IGFN1: variants seen among roughly 807,000 people sequenced by gnomAD.
The protein encoded by IGFN1 is immunoglobulin-like and fibronectin type III domain-containing protein 1.
Under a neutral mutation model 289.5 loss-of-function variants are expected in IGFN1, and 253 were observed. That is an observed-to-expected ratio of 0.87 (90% CI 0.79 to 0.97). IGFN1 has a LOEUF of 0.97. Among genes scored for constraint, IGFN1 ranks in the 50% least tolerant of loss-of-function variants. IGFN1 has a pLI of 0.00. For missense variants in IGFN1, 4,470 were observed against 4,686.1 expected, an observed-to-expected ratio of 0.95 and a Z score of 1.35; for synonymous variants, 1,706 against 1,788.5, an observed-to-expected ratio of 0.95 and a Z score of 1.16.
At chr1:201,203,355 G>T (rs1667244451) in intron 9 of IGFN1, among the ~76,000 whole-genome samples, 1 of 152,222 alleles carries the variant, frequency 6.6e-6, no homozygotes. Context: ...TCCTGTTGGT[G>T]AATAAGTTGA....
At chr1:201,226,243 C>T in intron 22 of IGFN1, 120 bp downstream of exon 22, 1 of 1,172,996 alleles carries the variant, frequency 8.5e-7, no homozygotes, top group Non-Finnish European at 1.1e-6. Context: ...TGGCCTGGAG[C>T]ATGCCAAATA....
At chr1:201,193,220 C>A in intron 1 of IGFN1, 27 bp from the exon 2 acceptor site, 1 of 1,183,694 alleles carries the variant, frequency 8.4e-7, no homozygotes, top group Non-Finnish European at 1.2e-6. Context: ...CTGGATTTCT[C>A]AAAAGCAATT....
rs561813872 is a variant in IGFN1, at chr1:201,213,460, T to A, written c.8567T>A (p.Met2856Lys). The A allele has an allele frequency of 4.3e-6, 7 of 1,613,866 alleles. No homozygotes were observed. Among genetic ancestry groups the A allele is most frequent in the Non-Finnish European group, 5.9e-6 (7 of 1,179,896 alleles). Residue 2856 changes from methionine to lysine, a missense_variant, in exon 12 of 24, where the codon ATG (methionine) becomes AAG (lysine). Transcript: ENST00000335211. ...GAGAACTGGGGGTGCCTGGAGGAGA[T>A]GCTGAATGAAGATCAGAGCCGGGAG... Reference protein sequence around the residue: ...MGENWGCLEEMLNEDQSREPP... With the variant: ...MGENWGCLEEKLNEDQSREPP...
Position 201,212,856 on chromosome 1 carries a change from C to T in IGFN1, c.7963C>T (p.Gln2655Ter). 1 of 1,551,224 alleles carries T rather than the reference C, an allele frequency of 6.4e-7. No homozygotes were observed. The highest frequency in any genetic ancestry group is 8.7e-7 in the Non-Finnish European group (1 of 1,146,872). The part of the protein sequence containing the change: ...PAGSRASGSL[Q>*]EKDAAFGGTH... ...AGGCTCCAGAGCTTCCGGTTCTCTG[C>T]AGGAGAAAGATGCCGCTTTTGGTGG... The change falls in exon 12 of 24, where the codon CAG becomes TAG. Residue 2655 changes from glutamine to a stop codon, truncating the protein, a stop_gained. Transcript: ENST00000335211. LOFTEE classifies it high-confidence loss of function.
At position 201,212,768 on chromosome 1, in the gene IGFN1, G is replaced by T. The variant is rs776364723; in HGVS notation, c.7875G>T (p.Trp2625Cys). The change falls in exon 12 of 24, where the codon TGG becomes TGT. Residue 2625 changes from tryptophan to cysteine, a missense_variant. Coordinates refer to ENST00000335211, the MANE Select transcript of IGFN1 (RefSeq NM_001164586.2). ...ATAGACAAGGGACGAGCAATGCTTG[G>T]GCTCCTGATTGGGAAAACCAGGGGT... ...PADRQGTSNA[W>C]APDWENQGFS... The T allele has an allele frequency of 6.4e-7, 1 of 1,551,408 alleles. No individual in the cohort carries two copies. The highest frequency in any genetic ancestry group is 1.4e-5 in the African/African-American group (1 of 73,026).
intron 16 of IGFN1, among the ~76,000 whole-genome samples, 170 bp downstream of exon 16, chr1:201,216,923 C>T (rs1280168151): frequency 6.6e-6 from 1 of 152,092 alleles, no homozygotes; most frequent in Non-Finnish European, 1.5e-5. Context: ...TGGGATCTGG[C>T]ACCCAGATCA....
chr1:201,228,487 G>A lies in IGFN1; in HGVS notation c.*88G>A. ...CCGGGAAGCCAATCCCAAGGATGGA[G>A]GCTGTGCCCAGAGCCCCAGGAAAAT... On this transcript the variant is annotated 3_prime_UTR_variant, in exon 24 of 24. Transcript: ENST00000335211. 7.1e-7 allele frequency: 1 copy of A among 1,405,968 alleles called. No individual in the cohort carries two copies. The highest frequency in any genetic ancestry group is 1.0e-6 in the Non-Finnish European group (1 of 990,326). The allele number at this position is 1,405,968 out of a possible 1,614,324, so 87.1% of individuals were successfully genotyped here.
At chr1:201,194,730 T>A (rs534140033) in intron 3 of IGFN1, among the ~76,000 whole-genome samples, 37 of 152,220 alleles carry the variant, frequency 2.4e-4, no homozygotes, top group African/African-American at 8.4e-4. Context: ...GAAGGCCACA[T>A]AAGAAGGTGT....
chr1:201,196,841 A>G (rs1007582503), intron 4 of IGFN1, among the ~76,000 whole-genome samples: 3 of 152,152 alleles, frequency 2.0e-5, no homozygotes, highest in African/African-American at 7.2e-5. Flanking sequence ...CTAATTATTC[A>G]CCACTTTTTT....
At position 201,216,186 on chromosome 1, in the gene IGFN1, C is replaced by T. The variant is rs1041358327; in HGVS notation, c.9296-268C>T. 3.3e-5 allele frequency: 20 copies of T among 601,252 alleles called. No homozygotes were observed. The Admixed American group carries it at 4.3e-4, about 13-fold the overall frequency. 37.2% of individuals were successfully genotyped at this position (601,252 alleles called of 1,614,324 possible). ...CCGAGCAGGTGCCCATACCAGCCAC[C>T]GGACGGTGGGGCCGGGAGGGGCTGG... On this transcript the variant is annotated intron_variant, in intron 15 of 23. Transcript: ENST00000335211.
chr1:201,208,628 G>A lies in IGFN1; in HGVS notation c.3735G>A (p.Gly1245=), dbSNP rs956926266. 7.2e-6 allele frequency: 11 copies of A among 1,530,308 alleles called. No individual in the cohort carries two copies. In the African/African-American group the frequency reaches 1.4e-4, roughly 19 times the overall value. The allele number at this position is 1,530,308 out of a possible 1,614,324, so 94.8% of individuals were successfully genotyped here. A position where few individuals can be genotyped will look rare whatever the true frequency, so the allele number is the denominator to read the frequency against. The change falls in exon 12 of 24, where the codon GGG becomes GGA. Residue 1245 remains glycine (G), a synonymous_variant. Transcript: ENST00000335211. ...GGGGCCTTGGGCCTAGGAGTACAGG[G>A]CCAGGGGGTGAGGCAGGCTTTAGAG... is the stretch of plus-strand genomic sequence containing the variant. ...RSRGLGPRST[G]PGGEAGFRDG...
chr1:201,199,671 C>G lies in IGFN1; in HGVS notation c.458+17C>G. ...GAAAAAGAGGTGGGTTTGGGCCTGT[C>G]CATGAGGGATTTTGGAGGCTCCCAT... On this transcript the variant is annotated intron_variant, in intron 7 of 23. Transcript: ENST00000335211. 1 of 1,550,248 alleles carries G rather than the reference C, an allele frequency of 6.5e-7. No individual in the cohort carries two copies. The highest frequency in any genetic ancestry group is 8.7e-7 in the Non-Finnish European group (1 of 1,145,982).
chr1:201,203,971 T>C (rs545753205), intron 10 of IGFN1, 65 bp downstream of exon 10: 1 of 1,406,080 alleles, frequency 7.1e-7, no homozygotes, highest in African/African-American at 1.4e-5. Flanking sequence ...TCCATGTTGG[T>C]GCAACGTGTG....
Position 201,221,478 on chromosome 1 carries a change from A to G in IGFN1, c.9933A>G (p.Thr3311=). The G allele has an allele frequency of 6.2e-7, 1 of 1,610,414 alleles. No individual in the cohort carries two copies. The highest frequency in any genetic ancestry group is 1.7e-5 in the Admixed American group (1 of 59,742). The part of the protein sequence containing the change: ...PPGLVRNLQV[T]DRSNTSITLS... ...GGCTGGTGAGGAATCTCCAAGTCAC[A>G]GACAGATCGAACACCAGCATCACTC... The change falls in exon 19 of 24, where the codon ACA becomes ACG. Residue 3311 remains threonine, a synonymous_variant. Coordinates refer to ENST00000335211, the MANE Select transcript of IGFN1 (RefSeq NM_001164586.2).
rs777411441 is a variant in IGFN1, at chr1:201,213,483, G to A, written c.8590G>A (p.Glu2864Lys). 11 of 1,614,074 alleles carry A rather than the reference G, an allele frequency of 6.8e-6. 1 individual carries two copies. In the South Asian group the frequency reaches 9.9e-5, roughly 14 times the overall value. The change falls in exon 12 of 24, where the codon GAG (glutamate) becomes AAG (lysine). Residue 2864 changes from glutamate to lysine, a missense_variant. Transcript: ENST00000335211. ...GATGCTGAATGAAGATCAGAGCCGGGAGCCCCCTGGTCACCTTGGTAGCAG... is the reference window on the plus strand; with the variant it reads ...GATGCTGAATGAAGATCAGAGCCGGAAGCCCCCTGGTCACCTTGGTAGCAG... ...EEMLNEDQSR[E>K]PPGHLGSRRS... is the part of the protein sequence containing the mutation.
chr1:201,222,581 A>G, intron 19 of IGFN1, 158 bp from the exon 20 acceptor site: 1 of 541,180 alleles, frequency 1.8e-6, no homozygotes, highest in Non-Finnish European at 3.4e-6. Flanking sequence ...TTCTGCTCCC[A>G]GCTGTACTCC....
intron 18 of IGFN1, among the ~76,000 whole-genome samples, chr1:201,221,168 TAGG>T (rs1483176897): frequency 6.6e-6 from 1 of 151,756 alleles, no homozygotes; most frequent in Non-Finnish European, 1.5e-5. Context: ...GAAGGATAGT[TAGG>T]AGAAGGCATT....
At position 201,211,594 on chromosome 1, in the gene IGFN1, A is replaced by C. The variant is rs1158226444; in HGVS notation, c.6701A>C (p.Asp2234Ala). The C allele has an allele frequency of 1.3e-6, 2 of 1,535,304 alleles. No individual in the cohort carries two copies. Among genetic ancestry groups the C allele is most frequent in the African/African-American group, 2.7e-5 (2 of 72,812 alleles). The change falls in exon 12 of 24, where the codon GAT (aspartate) becomes GCT (alanine). Residue 2234 changes from aspartate to alanine, a missense_variant. By Grantham distance (126) the Asp-to-Ala change is moderately radical. Transcript: ENST00000335211. ...TCAGGGAGTAAGGCAGGTTTCAGGG[A>C]TGGTTTAGGGAGTTCTGGGGAAATG... ...MGSGSKAGFR[D>A]GLGSSGEMGS...
In IGFN1 at chr1:201,225,975, G is replaced by T. The variant is rs1306326995; in HGVS notation, c.10638G>T (p.Glu3546Asp). 5 of 1,581,700 alleles carry T rather than the reference G, an allele frequency of 3.2e-6. No individual in the cohort carries two copies. The highest frequency in any genetic ancestry group is 4.3e-6 in the Non-Finnish European group (5 of 1,161,604). The part of the protein sequence containing the change: ...TRSSAHGPWH[E>D]AADRIHTNRF... ...CCTCAGCGCACGGTCCCTGGCACGA[G>T]GCAGCCGACCGCATCCACACCAACC... Residue 3546 changes from glutamate (E) to aspartate (D), a missense_variant, in exon 22 of 24, where the codon GAG becomes GAT. By Grantham distance (45) the Glu-to-Asp change is conservative. Transcript: ENST00000335211.
Sources: gnomAD v4.1 joint callset for allele counts (sites outside exome capture counted in the v4.1 genomes callset) on GRCh38, gnomAD v4.1.1 for gene constraint, MANE v1.5 for transcripts, NCBI Gene and HGNC (gene_info 2026-07-23, HGNC 2026-07-21) for gene names.